DRC4: variants seen among roughly 807,000 people sequenced by gnomAD.
DRC4 encodes the protein GAS-11.
chr16:90,042,578 GC>G, the DRC4 span: 1 of 1,545,690 alleles, frequency 6.5e-7, no homozygotes. Flanking sequence ...CCCCCTCGGT[GC>G]CCAGACTGTT....
chr16:90,042,470 G>A, the DRC4 span: 2 of 1,613,766 alleles, frequency 1.2e-6, no homozygotes, highest in Non-Finnish European at 1.7e-6. Flanking sequence ...CTCTCCTCAG[G>A]ATGTTCTTGA....
chr16:90,034,181 C>G, the DRC4 span, among the ~76,000 whole-genome samples: 3 of 152,166 alleles, frequency 2.0e-5, no homozygotes, highest in Non-Finnish European at 2.9e-5. Flanking sequence ...AGTCCAGCCT[C>G]CACTGAATCT....
the DRC4 span, chr16:90,043,305 TG>T: frequency 2.5e-6 from 4 of 1,612,498 alleles, no homozygotes; most frequent in Non-Finnish European, 3.4e-6. Flanking sequence ...GGACAGACAC[TG>T]GGCCAGGGCC....
At chr16:90,040,549 C>T in the DRC4 span, 19 of 1,513,866 alleles carry the variant, frequency 1.3e-5, no homozygotes, top group Admixed American at 2.0e-4. Context: ...TGGGCGGCCT[C>T]ATCCCTGTGG....
the DRC4 span, among the ~76,000 whole-genome samples, chr16:90,027,037 C>T: frequency 9.9e-5 from 15 of 151,678 alleles, no homozygotes; most frequent in Non-Finnish European, 1.6e-4. Flanking sequence ...CTCAGCCTCC[C>T]GAGTAACTGG....
the DRC4 span, among the ~76,000 whole-genome samples, chr16:90,034,519 C>T: frequency 4.8e-3 from 724 of 152,042 alleles, 4 homozygotes; most frequent in African/African-American, 0.017. Context: ...CTACTCGGGA[C>T]GCTGAGGCAG....
At chr16:90,028,566 G>A in the DRC4 span, among the ~76,000 whole-genome samples, 2,860 of 152,220 alleles carry the variant, frequency 0.019, 87 homozygotes, top group African/African-American at 0.065. Flanking sequence ...GCTTATTTTG[G>A]GGAGGAGGTG....
chr16:90,040,419 T>C, the DRC4 span: 1 of 1,612,380 alleles, frequency 6.2e-7, no homozygotes, highest in Admixed American at 1.7e-5. Flanking sequence ...TGAGCGCCGC[T>C]GTGGAGAAGA....
the DRC4 span, chr16:90,037,698 G>T: frequency 2.0e-6 from 3 of 1,486,092 alleles, no homozygotes; most frequent in South Asian, 2.3e-5. Context: ...CCAGGAGCCC[G>T]TGTTACTTGG....
chr16:90,025,037 G>A, the DRC4 span, among the ~76,000 whole-genome samples: 1 of 140,910 alleles, frequency 7.1e-6, no homozygotes, highest in Non-Finnish European at 1.5e-5. Flanking sequence ...TTTTTTTTGA[G>A]GTAGAGTCTT....
chr16:90,042,424 C>G, the DRC4 span: 1 of 1,589,002 alleles, frequency 6.3e-7, no homozygotes, highest in Non-Finnish European at 8.6e-7. Context: ...CCCGTTGCCT[C>G]GGCCAAAAGA....
the DRC4 span, chr16:90,031,485 G>C: frequency 3.2e-6 from 5 of 1,564,320 alleles, no homozygotes; most frequent in Non-Finnish European, 3.5e-6. Context: ...GAGGCACCAG[G>C]TGGAGATCAA....
the DRC4 span, among the ~76,000 whole-genome samples, chr16:90,030,818 A>C: frequency 6.6e-6 from 1 of 152,060 alleles, no homozygotes; most frequent in Non-Finnish European, 1.5e-5. Flanking sequence ...GGGTCTTGCT[A>C]TGTTGCCCAA....
At chr16:90,022,730 C>G in the DRC4 span, 2 of 1,415,690 alleles carry the variant, frequency 1.4e-6, no homozygotes, top group South Asian at 2.8e-5. Context: ...TCATGGTGAG[C>G]AGGGGCGGGA....
chr16:90,032,275 G>A, the DRC4 span, among the ~76,000 whole-genome samples: 1 of 151,714 alleles, frequency 6.6e-6, no homozygotes, highest in Non-Finnish European at 1.5e-5. Context: ...GACCAGGTGT[G>A]TACAGGTATG....
At chr16:90,042,562 G>T in the DRC4 span, 4 of 1,598,244 alleles carry the variant, frequency 2.5e-6, no homozygotes, top group African/African-American at 2.7e-5. Context: ...CCCTCCCTCA[G>T]GGGCACCCCC....
At chr16:90,021,434 C>G in the DRC4 span, among the ~76,000 whole-genome samples, 1,233 of 148,894 alleles carry the variant, frequency 8.3e-3, 20 homozygotes, top group African/African-American at 0.029. Context: ...TTTTTTGAGA[C>G]AGGGTCTCAG....
the DRC4 span, among the ~76,000 whole-genome samples, chr16:90,024,890 G>C: frequency 6.6e-6 from 1 of 152,022 alleles, no homozygotes; most frequent in Non-Finnish European, 1.5e-5. Context: ...AACTACTTCT[G>C]TTTCTGTTAG....
chr16:90,020,106 A>G, the DRC4 span: 8 of 608,646 alleles, frequency 1.3e-5, no homozygotes. Flanking sequence ...ACTTCCCTCC[A>G]CTGCTGGGTC....
Sources: gnomAD v4.1 joint callset for allele counts (sites outside exome capture counted in the v4.1 genomes callset) on GRCh38, gnomAD v4.1.1 for gene constraint, MANE v1.5 for transcripts, NCBI Gene and HGNC (gene_info 2026-07-23, HGNC 2026-07-21) for gene names.